The following FSTL1 variants were observed in gnomAD, a reference collection of about 807,000 sequenced individuals.
FSTL1 encodes follistatin like 1.
FSTL1 carries 24 observed loss-of-function variants against 45.9 expected under a neutral mutation model. The ratio of observed to expected loss-of-function variants is 0.52; its 90% CI spans 0.38 to 0.74. The LOEUF is 0.74. Ranked by LOEUF, FSTL1 falls within the 30% of genes least tolerant of loss-of-function variation. The probability of loss-of-function intolerance (pLI) is 0.00; values close to 1 mark genes in which losing one functional copy is unlikely to be tolerated. For synonymous variants in FSTL1, 120 were observed against 137.6 expected (o/e 0.87, Z 0.89); for missense variants, 340 against 381.8 (o/e 0.89, Z 0.91).
At chr3:120,425,016 C>T (rs1197590839) in intron 2 of FSTL1, among the ~76,000 whole-genome samples, 3 of 151,758 alleles carry the variant, frequency 2.0e-5, no homozygotes, top group Non-Finnish European at 4.4e-5. Context: ...AGGCCGAGGG[C>T]GGCTAGGGCG....
In FSTL1 at chr3:120,409,586, A is replaced by T. The variant is rs764301109; in HGVS notation, c.408T>A (p.Asp136Glu). ...IQWLEAEIIP[D>E]GWFSKGSNYS... ...AGTTGCTGCCTTTAGAGAACCAGCC[A>T]TCTGGAATGATCTCAGCTTCCAGCC... The change falls in exon 6 of 11, where the codon GAT becomes GAA. Residue 136 changes from aspartate to glutamate, a missense_variant. Transcript: ENST00000295633. The T allele has an allele frequency of 1.9e-6, 3 of 1,613,862 alleles. No individual in the cohort carries two copies. Among genetic ancestry groups the T allele is most frequent in the Non-Finnish European group, 2.5e-6 (3 of 1,179,716 alleles).
intron 2 of FSTL1, among the ~76,000 whole-genome samples, chr3:120,428,402 G>C (rs953224705): frequency 6.6e-5 from 10 of 152,186 alleles, no homozygotes; most frequent in Admixed American, 5.9e-4. Context: ...GGATCTGGGA[G>C]ACCCAGCATA....
intron 2 of FSTL1, among the ~76,000 whole-genome samples, chr3:120,416,264 T>C (rs983741349): frequency 6.6e-6 from 1 of 152,124 alleles, no homozygotes; most frequent in Non-Finnish European, 1.5e-5. Context: ...CCTAATATGT[T>C]TCTCAAAGAG....
At chr3:120,437,646 T>C (rs931208619) in intron 2 of FSTL1, among the ~76,000 whole-genome samples, 11 of 151,462 alleles carry the variant, frequency 7.3e-5, no homozygotes, top group African/African-American at 2.2e-4. Flanking sequence ...CACACACACA[T>C]ATAGTCTACC....
At chr3:120,414,984 C>T (rs1192451898) in intron 3 of FSTL1, among the ~76,000 whole-genome samples, 1 of 149,068 alleles carries the variant, frequency 6.7e-6, no homozygotes, top group Admixed American at 6.7e-5. Flanking sequence ...CAAGAATTAT[C>T]AATAAAAAAT....
chr3:120,415,977 GGCT>G lies in FSTL1; in HGVS notation c.111_113del (p.Ala38del). 6.2e-7 allele frequency: 1 copy of G among 1,613,970 alleles called. No individual in the cohort carries two copies. Among genetic ancestry groups the G allele is most frequent in the Non-Finnish European group, 8.5e-7 (1 of 1,179,878 alleles). On this transcript the variant is annotated inframe_deletion, in exon 3 of 11. Transcript: ENST00000295633. ...TCTCTGTGACTGCACATTCCCGGCCGGCTCCACAAAACACATTGGCACAGATCT... is the reference window on the plus strand; with the variant it reads ...TCTCTGTGACTGCACATTCCCGGCCGCCACAAAACACATTGGCACAGATCT...
intron 2 of FSTL1, among the ~76,000 whole-genome samples, chr3:120,448,422 A>C (rs1312977546): frequency 1.3e-5 from 2 of 152,242 alleles, no homozygotes; most frequent in Admixed American, 6.5e-5. Context: ...GGAGAGGGTT[A>C]ATGTACCTCT....
Position 120,417,334 on chromosome 3 carries a change from C to T in FSTL1, c.64-1307G>A, listed in dbSNP as rs532155989. On this transcript the variant is annotated intron_variant, in intron 2 of 10. Transcript: ENST00000295633. ...AGGCTTTCGAGCTGAGGTGCTGTAT[C>T]CAATACAGCTAGTCTGCTGCCACCC... Among the ~76,000 whole-genome samples the T allele has an allele frequency of 9.2e-5, 14 of 152,320 alleles. No individual in the cohort carries two copies. The South Asian group carries it at 1.9e-3, about 20-fold the overall frequency.
intron 2 of FSTL1, among the ~76,000 whole-genome samples, chr3:120,445,333 T>G (rs1450776894): frequency 1.3e-5 from 2 of 149,754 alleles, no homozygotes; most frequent in Non-Finnish European, 2.9e-5. Flanking sequence ...CTTTCATTAA[T>G]TATTGAAGGT....
At chr3:120,446,290 C>G (rs13325740) in intron 2 of FSTL1, among the ~76,000 whole-genome samples, 2 of 152,196 alleles carry the variant, frequency 1.3e-5, no homozygotes, top group Admixed American at 1.3e-4. Flanking sequence ...CCTCTCGGAT[C>G]ATTACATCCA....
intron 3 of FSTL1, among the ~76,000 whole-genome samples, chr3:120,413,312 T>C (rs1357400622): frequency 1.3e-5 from 2 of 152,216 alleles, no homozygotes; most frequent in Non-Finnish European, 2.9e-5. Flanking sequence ...TATTATGGAG[T>C]GCTCACTATG....
In FSTL1 at chr3:120,450,670, G is replaced by A; in HGVS notation, c.63+14C>T. ...CCCGGGGACCGAGTTCGGACTCCTC[G>A]GCCCCTCGCCTACCTCGGCGCGGAC... On this transcript the variant is annotated intron_variant, in intron 2 of 10. Transcript: ENST00000295633. The A allele has an allele frequency of 6.4e-7, 1 of 1,550,454 alleles. No homozygotes were observed. The highest frequency in any genetic ancestry group is 8.7e-7 in the Non-Finnish European group (1 of 1,155,422).
At chr3:120,416,883 G>C (rs1937195858) in intron 2 of FSTL1, among the ~76,000 whole-genome samples, 1 of 152,232 alleles carries the variant, frequency 6.6e-6, no homozygotes, top group Non-Finnish European at 1.5e-5. Flanking sequence ...ACCTGAGAAT[G>C]TGGGGGTATT....
At chr3:120,399,597 CCACTTCCACCTCATTTGCAAAT>C (rs1302919589) in intron 10 of FSTL1, among the ~76,000 whole-genome samples, 6 of 152,196 alleles carry the variant, frequency 3.9e-5, no homozygotes, top group African/African-American at 1.4e-4. Flanking sequence ...CATTTGCAAA[CCACTTCCACCTCATTTGCAAAT>C]CACCACCTGC....
intron 3 of FSTL1, among the ~76,000 whole-genome samples, chr3:120,412,788 T>C (rs1937083185): frequency 6.7e-5 from 10 of 150,160 alleles, no homozygotes; most frequent in Admixed American, 6.6e-4. Context: ...GTGGAGAGGC[T>C]GATAGGCAGG....
chr3:120,443,011 T>A (rs1937657751), intron 2 of FSTL1, among the ~76,000 whole-genome samples: 1 of 145,676 alleles, frequency 6.9e-6, no homozygotes, highest in Admixed American at 6.7e-5. Flanking sequence ...AGTTAGTGGG[T>A]GCAGTGCACC....
In FSTL1 at chr3:120,404,917, C is replaced by T. The variant is rs1314669983; in HGVS notation, c.517G>A (p.Glu173Lys). Residue 173 changes from glutamate to lysine, a missense_variant, in exon 7 of 11, where the codon GAA (glutamate) becomes AAA (lysine). Transcript: ENST00000295633. ...ATATTGATGGCAGTTTCATTCTGTT[C>T]CACAAACTTCAGGAATTCACTGGAG... ...LDSSEFLKFV[E>K]QNETAINITT... 2.5e-6 allele frequency: 4 copies of T among 1,608,618 alleles called. No individual in the cohort carries two copies. Among genetic ancestry groups the T allele is most frequent in the Non-Finnish European group, 2.6e-6 (3 of 1,174,914 alleles).
intron 2 of FSTL1, among the ~76,000 whole-genome samples, chr3:120,444,074 T>C (rs947802803): frequency 8.7e-5 from 13 of 149,924 alleles, no homozygotes; most frequent in Non-Finnish European, 1.8e-4. Flanking sequence ...TCTGGCTTAC[T>C]TTAAGGTGTT....
chr3:120,422,221 G>A (rs1158094462), intron 2 of FSTL1, among the ~76,000 whole-genome samples: 8 of 152,112 alleles, frequency 5.3e-5, no homozygotes, highest in East Asian at 1.9e-4. Flanking sequence ...ACAAAGTTTC[G>A]GTTATGCAAG....
Sources: gnomAD v4.1 joint callset for allele counts (sites outside exome capture counted in the v4.1 genomes callset) on GRCh38, gnomAD v4.1.1 for gene constraint, MANE v1.5 for transcripts, NCBI Gene and HGNC (gene_info 2026-07-23, HGNC 2026-07-21) for gene names.